The following ELSPBP1 variants were observed in gnomAD, a reference collection of about 807,000 sequenced individuals.
The protein encoded by ELSPBP1 is epididymal sperm binding protein 1, also known as epididymal sperm-binding protein 1.
Under a neutral mutation model 33.3 loss-of-function variants are expected in ELSPBP1, and 38 were observed. That is an observed-to-expected ratio of 1.14 (90% CI 0.88 to 1.50). The LOEUF is 1.50. ELSPBP1 is among the 40% of genes most tolerant of loss of function. The pLI is 0.00. For missense variants in ELSPBP1, 267 were observed against 263.5 expected (o/e 1.01, Z -0.09); for synonymous variants, 85 against 94.1 (o/e 0.90, Z 0.56).
intron 1 of ELSPBP1, among the ~76,000 whole-genome samples, chr19:48,007,122 A>G (rs954632376): frequency 1.3e-5 from 2 of 152,142 alleles, no homozygotes; most frequent in African/African-American, 4.8e-5. Context: ...TAATTCATAA[A>G]TGCCACTAAC....
chr19:48,015,244 A>G (rs1427840401), intron 3 of ELSPBP1, among the ~76,000 whole-genome samples: 1 of 152,194 alleles, frequency 6.6e-6, no homozygotes, highest in Non-Finnish European at 1.5e-5. Flanking sequence ...CATGTTGAGG[A>G]GGAGGAGGAA....
intron 1 of ELSPBP1, among the ~76,000 whole-genome samples, chr19:48,004,847 C>A (rs764442320): frequency 4.6e-5 from 7 of 152,238 alleles, no homozygotes; most frequent in Non-Finnish European, 8.8e-5. Context: ...CCTGGCCCCA[C>A]ATCTTTTAAA....
At chr19:48,003,329 A>G (rs2122295176) in intron 1 of ELSPBP1, among the ~76,000 whole-genome samples, 1 of 118,898 alleles carries the variant, frequency 8.4e-6, no homozygotes, top group South Asian at 2.4e-4. Context: ...GAAGCAAGCC[A>G]TGCAAATAGC....
rs78031203 is a variant in ELSPBP1 at position 47,997,565 on chromosome 19, C to T, written c.-18+2754C>T. 4.0e-3 allele frequency among the ~76,000 whole-genome samples: 602 copies of T among 151,938 alleles called. 1 individual carries two copies. The highest frequency in any genetic ancestry group is 0.014 in the African/African-American group (561 of 41,458). The stretch of plus-strand genomic sequence containing the variant: ...ACAATTGTATATATTTATTGAGGTA[C>T]GCGTGATTTTTTTTCTTTTCCTTAT... On this transcript the variant is annotated intron_variant, in intron 1 of 6. Transcript: ENST00000339841.
chr19:48,013,542 C>T (rs1219075807), intron 2 of ELSPBP1, among the ~76,000 whole-genome samples: 1 of 152,002 alleles, frequency 6.6e-6, no homozygotes, highest in Non-Finnish European at 1.5e-5. Flanking sequence ...CATGGCAAAA[C>T]CCCGTCTCTA....
At chr19:48,015,047 G>A (rs1339015810) in intron 3 of ELSPBP1, among the ~76,000 whole-genome samples, 3 of 151,840 alleles carry the variant, frequency 2.0e-5, no homozygotes, top group Non-Finnish European at 4.4e-5. Context: ...TTGACGAGAC[G>A]GCTTACCAGT....
chr19:48,007,584 G>C (rs998330716), intron 1 of ELSPBP1, among the ~76,000 whole-genome samples: 2 of 152,298 alleles, frequency 1.3e-5, no homozygotes, highest in Non-Finnish European at 1.5e-5. Flanking sequence ...GAATGGCATG[G>C]TCATCTGTCA....
At chr19:48,009,698 C>T (rs1381349303) in intron 2 of ELSPBP1, among the ~76,000 whole-genome samples, 4 of 145,936 alleles carry the variant, frequency 2.7e-5, no homozygotes, top group South Asian at 2.3e-4. Context: ...CTGGAATTTA[C>T]GTTTTAAAAA....
chr19:48,016,789 G>C (rs28391443), intron 4 of ELSPBP1, among the ~76,000 whole-genome samples: 3,172 of 151,808 alleles, frequency 0.021, 98 homozygotes, highest in African/African-American at 0.07. Context: ...AGCAGGCACG[G>C]GGTTTCACCA....
chr19:48,009,377 G>A (rs11878872), intron 2 of ELSPBP1, among the ~76,000 whole-genome samples: 25,391 of 152,066 alleles, frequency 0.17, 2,185 homozygotes, highest in South Asian at 0.23. Context: ...TATAATTCCA[G>A]TGAACAGAAC....
At position 48,011,990 on chromosome 19, in the gene ELSPBP1, T is replaced by A. The variant is rs1967084542; in HGVS notation, c.71-2181T>A. On this transcript the variant is annotated intron_variant, in intron 2 of 6. Coordinates refer to ENST00000339841, the MANE Select transcript of ELSPBP1 (RefSeq NM_022142.5). The surrounding 1 kb of genome is among the most constrained non-coding windows in gnomAD (Gnocchi z 4.5). The stretch of plus-strand genomic sequence containing the variant: ...TCCCAGGTCTACAAAAAAAAAGCAA[T>A]CAACTTTAATTAGTCCTTATTGTAC... Among the ~76,000 whole-genome samples, 1 of 152,058 alleles carries A rather than the reference T, an allele frequency of 6.6e-6. No homozygotes were observed. The highest frequency in any genetic ancestry group is 2.4e-5 in the African/African-American group (1 of 41,378).
Position 48,011,626 on chromosome 19 carries a change from CGAT to C in ELSPBP1, c.71-2535_71-2533del, listed in dbSNP as rs761957968. ...ATTATGATGACAATGATGATGACAA[CGAT>C]GATGATGATCATCATCCTGATGACA... On this transcript the variant is annotated intron_variant, in intron 2 of 6. Coordinates refer to ENST00000339841, the MANE Select transcript of ELSPBP1 (RefSeq NM_022142.5). This position sits in a 1 kb window ranked among gnomAD's most constrained non-coding sequence, Gnocchi z 4.5. 6.0e-5 allele frequency among the ~76,000 whole-genome samples: 9 copies of C among 150,660 alleles called. No homozygotes were observed. The highest frequency in any genetic ancestry group is 9.8e-5 in the African/African-American group (4 of 40,836).
At chr19:48,023,150 G>T (rs1487030801) in intron 6 of ELSPBP1, among the ~76,000 whole-genome samples, 1 of 148,804 alleles carries the variant, frequency 6.7e-6, no homozygotes, top group African/African-American at 2.5e-5. Context: ...AAGAAAGGAG[G>T]GAGGGAGGGA....
chr19:48,008,991 C>T (rs1263407836), intron 2 of ELSPBP1, among the ~76,000 whole-genome samples: 2 of 151,928 alleles, frequency 1.3e-5, no homozygotes, highest in Admixed American at 1.3e-4. Context: ...CAAAAATTAG[C>T]CAGGCATGGT....
chr19:48,016,972 T>G (rs974943455), intron 4 of ELSPBP1, among the ~76,000 whole-genome samples: 16 of 152,178 alleles, frequency 1.1e-4, no homozygotes, highest in African/African-American at 3.6e-4. Context: ...TGACCAAAAT[T>G]CATTGAATGT....
At chr19:47,995,927 C>A (rs1011672409) in intron 1 of ELSPBP1, among the ~76,000 whole-genome samples, 2 of 152,148 alleles carry the variant, frequency 1.3e-5, no homozygotes, top group African/African-American at 4.8e-5. Flanking sequence ...CTTAAGAGAA[C>A]GAGAGGGCAG....
At chr19:48,004,355 A>G (rs1482633027) in intron 1 of ELSPBP1, among the ~76,000 whole-genome samples, 1 of 151,650 alleles carries the variant, frequency 6.6e-6, no homozygotes, top group Admixed American at 6.6e-5. Flanking sequence ...ACGAGGTGTC[A>G]CTGTGTGGCC....
intron 3 of ELSPBP1, among the ~76,000 whole-genome samples, chr19:48,014,895 G>A (rs1228301627): frequency 6.6e-6 from 1 of 152,076 alleles, no homozygotes. Context: ...TGACCCAATA[G>A]AACCATCCCA....
Position 48,011,052 on chromosome 19 carries a change from TGAC to T in ELSPBP1, c.70+2318_70+2320del, listed in dbSNP as rs1967070421. Among the ~76,000 whole-genome samples the T allele has an allele frequency of 6.9e-6, 1 of 145,148 alleles. No individual in the cohort carries two copies. Among genetic ancestry groups the T allele is most frequent in the African/African-American group, 2.6e-5 (1 of 38,626 alleles). ...GATAATGATGAGGATGATGATGATA[TGAC>T]GATGATGACAATGATGACGGTAATG... On this transcript the variant is annotated intron_variant, in intron 2 of 6. Coordinates refer to ENST00000339841, the MANE Select transcript of ELSPBP1 (RefSeq NM_022142.5). The surrounding 1 kb of genome is among the most constrained non-coding windows in gnomAD (Gnocchi z 4.5).
Sources: allele counts gnomAD v4.1 joint callset (sites outside exome capture counted in the v4.1 genomes callset), GRCh38; gene constraint gnomAD v4.1.1; non-coding constraint Gnocchi (gnomAD v3.1); transcripts MANE v1.5; gene names NCBI Gene and HGNC (gene_info 2026-07-23, HGNC 2026-07-21).